The following FRMD4A variants were observed in gnomAD, a reference collection of about 807,000 sequenced individuals.
FRMD4A encodes the protein FERM domain containing 4A, also known as FERM domain-containing protein 4A.
In FRMD4A, 29 loss-of-function variants were observed where a neutral mutation model predicts 129.1. The observed-to-expected ratio is 0.22, with a 90% CI of 0.17 to 0.31. The LOEUF (loss-of-function observed/expected upper bound fraction) is 0.31, where lower values mean the gene tolerates loss of function less well. FRMD4A is among the 10% of genes least tolerant of loss of function. The pLI is 1.00. For synonymous variants in FRMD4A, 634 were observed against 571.6 expected, an observed-to-expected ratio of 1.11 and a Z score of -1.56; for missense variants, 1,272 against 1,375.8, an observed-to-expected ratio of 0.92 and a Z score of 1.19.
intron 15 of FRMD4A, among the ~76,000 whole-genome samples, chr10:13,690,418 C>A (rs1430449166): frequency 6.6e-6 from 1 of 152,206 alleles, no homozygotes; most frequent in African/African-American, 2.4e-5. Flanking sequence ...GCCATCCCAG[C>A]GGGAGGGAGA....
intron 2 of FRMD4A, among the ~76,000 whole-genome samples, chr10:13,884,676 C>T (rs1286352900): frequency 3.3e-5 from 5 of 152,124 alleles, no homozygotes; most frequent in Admixed American, 3.3e-4. Flanking sequence ...TAGTAGAGCC[C>T]TGGGCTCTCT....
At chr10:14,141,434 G>A (rs1447669167) in intron 2 of FRMD4A, among the ~76,000 whole-genome samples, 10 of 152,118 alleles carry the variant, frequency 6.6e-5, no homozygotes, top group African/African-American at 2.2e-4. Flanking sequence ...CCCATTGTAT[G>A]ATTTTATATA....
chr10:13,796,308 A>G (rs1158748481), intron 5 of FRMD4A, among the ~76,000 whole-genome samples, 188 bp downstream of exon 5: 2 of 152,164 alleles, frequency 1.3e-5, no homozygotes, highest in African/African-American at 4.8e-5. Flanking sequence ...TTGCACACTC[A>G]CAGGCACACC....
intron 2 of FRMD4A, among the ~76,000 whole-genome samples, chr10:13,911,988 G>GA (rs1446786441): frequency 6.6e-6 from 1 of 152,200 alleles, no homozygotes; most frequent in African/African-American, 2.4e-5. Context: ...ACAGAGAAGA[G>GA]AAAGTTTCTA....
chr10:13,750,149 A>AAAGG (rs1564739697), intron 8 of FRMD4A, among the ~76,000 whole-genome samples: 1 of 148,978 alleles, frequency 6.7e-6, no homozygotes. Flanking sequence ...AGAAAGAAAG[A>AAAGG]AAAGAGAGAA....
At chr10:13,836,918 C>A (rs970627061) in intron 3 of FRMD4A, among the ~76,000 whole-genome samples, 1 of 152,048 alleles carries the variant, frequency 6.6e-6, no homozygotes, top group Non-Finnish European at 1.5e-5. Flanking sequence ...CCACCACGCC[C>A]GGCTAATTTT....
intron 2 of FRMD4A, among the ~76,000 whole-genome samples, chr10:13,966,582 A>G (rs1162103455): frequency 1.3e-5 from 2 of 152,178 alleles, no homozygotes; most frequent in Non-Finnish European, 2.9e-5. Context: ...TGGTTCTGGG[A>G]GTGAGATGGA....
At chr10:14,196,783 T>C (rs1842483770) in intron 2 of FRMD4A, among the ~76,000 whole-genome samples, 1 of 152,226 alleles carries the variant, frequency 6.6e-6, no homozygotes, top group African/African-American at 2.4e-5. Flanking sequence ...TTAACTGTGA[T>C]TGCTTGAATC....
intron 2 of FRMD4A, among the ~76,000 whole-genome samples, chr10:13,998,888 G>T (rs2095632267): frequency 6.6e-6 from 1 of 152,118 alleles, no homozygotes; most frequent in African/African-American, 2.4e-5. Flanking sequence ...TTCAGCCCCT[G>T]ATCCCCTGAT....
At chr10:13,966,829 G>A (rs1430132422) in intron 2 of FRMD4A, among the ~76,000 whole-genome samples, 2 of 152,242 alleles carry the variant, frequency 1.3e-5, no homozygotes, top group Non-Finnish European at 2.9e-5. Flanking sequence ...CAACCCAAAT[G>A]CCCATCAATC....
At chr10:13,890,144 G>C (rs904540228) in intron 2 of FRMD4A, among the ~76,000 whole-genome samples, 3 of 152,186 alleles carry the variant, frequency 2.0e-5, no homozygotes, top group Non-Finnish European at 4.4e-5. Context: ...TTGGTCTTCT[G>C]GCCCTGTCCA....
chr10:13,775,490 C>G (rs150161094), intron 6 of FRMD4A, among the ~76,000 whole-genome samples: 1 of 152,250 alleles, frequency 6.6e-6, no homozygotes, highest in Non-Finnish European at 1.5e-5. Flanking sequence ...AGAATAAAGA[C>G]TTTTTCAGAT....
chr10:13,915,057 CCA>C (rs1413389589), intron 2 of FRMD4A, among the ~76,000 whole-genome samples: 1 of 152,124 alleles, frequency 6.6e-6, no homozygotes, highest in African/African-American at 2.4e-5. Context: ...CCACAACAAA[CCA>C]CAGTGTTCTC....
rs981411671 is a variant in FRMD4A, at chr10:14,094,178, G to T, written c.46-235266C>A. ...TCTGATCTGACAGTCTGGTTCAAAA[G>T]AACCAAGGACTGTTCCCTTTGATTC... is the stretch of plus-strand genomic sequence containing the variant. On this transcript the variant is annotated intron_variant, in intron 2 of 24. Coordinates refer to ENST00000357447, the MANE Select transcript of FRMD4A (RefSeq NM_018027.5). 9.9e-5 allele frequency among the ~76,000 whole-genome samples: 15 copies of T among 152,236 alleles called. 1 individual carries two copies. The highest frequency in any genetic ancestry group is 3.6e-4 in the African/African-American group (15 of 41,466).
intron 6 of FRMD4A, among the ~76,000 whole-genome samples, chr10:13,772,177 T>TATATA: frequency 3.1e-5 from 4 of 128,944 alleles, no homozygotes; most frequent in South Asian, 2.5e-4. Flanking sequence ...TATATTATAT[T>TATATA]ATATATAATT....
At chr10:13,913,367 G>T (rs944182918) in intron 2 of FRMD4A, among the ~76,000 whole-genome samples, 3 of 152,280 alleles carry the variant, frequency 2.0e-5, no homozygotes, top group Non-Finnish European at 4.4e-5. Flanking sequence ...TTGGGGCAAT[G>T]GTTGCATGAC....
At chr10:14,045,084 G>A (rs1833931710) in intron 2 of FRMD4A, among the ~76,000 whole-genome samples, 1 of 152,082 alleles carries the variant, frequency 6.6e-6, no homozygotes, top group Non-Finnish European at 1.5e-5. Context: ...GCTTATTTTT[G>A]TAGTGACAGG....
intron 2 of FRMD4A, among the ~76,000 whole-genome samples, chr10:14,021,000 T>A (rs1832720463): frequency 6.6e-6 from 1 of 152,138 alleles, no homozygotes; most frequent in Non-Finnish European, 1.5e-5. Context: ...GGACACTTGC[T>A]CTATGTCACC....
chr10:13,705,532 T>C (rs1202548321), intron 13 of FRMD4A, among the ~76,000 whole-genome samples: 1 of 152,104 alleles, frequency 6.6e-6, no homozygotes, highest in African/African-American at 2.4e-5. Context: ...ATCTGACCCA[T>C]TGTGGCAAAG....
Sources: allele counts gnomAD v4.1 joint callset (sites outside exome capture counted in the v4.1 genomes callset), GRCh38; gene constraint gnomAD v4.1.1; transcripts MANE v1.5; gene names NCBI Gene and HGNC (gene_info 2026-07-23, HGNC 2026-07-21).